The following PGM5 variants were observed in gnomAD, a reference collection of about 807,000 sequenced individuals.
The protein encoded by PGM5 is phosphoglucomutase-like protein 5.
In PGM5, 23 loss-of-function variants were observed where a neutral mutation model predicts 59.2. The observed-to-expected ratio is 0.39, with a 90% confidence interval of 0.28 to 0.55. The LOEUF (loss-of-function observed/expected upper bound fraction) is 0.55. Ranked by LOEUF, PGM5 falls within the 20% of genes least tolerant of loss-of-function variation. PGM5 has a pLI of 0.66. For missense variants in PGM5, 574 were observed against 748.3 expected (o/e 0.77, Z 2.72); for synonymous variants, 214 against 286.0 (o/e 0.75, Z 2.54).
At chr9:68,367,230 G>A (rs1854873) in intron 1 of PGM5, among the ~76,000 whole-genome samples, 58,285 of 150,428 alleles carry the variant, frequency 0.39, 11,773 homozygotes, top group African/African-American at 0.46. Context: ...CCTGTTAAGC[G>A]TGAGCTGAGT....
rs185549183 is a variant in PGM5 at position 68,492,357 on chromosome 9, C to T, written c.1480-6870C>T. On this transcript the variant is annotated intron_variant, in intron 9 of 10. Transcript: ENST00000396396. ...GGATGAGGAATAGCTTTCAAGTCTTCGCCCTCCAGCAGCCCTCTCATCACC... is the reference window on the plus strand; with the variant it reads ...GGATGAGGAATAGCTTTCAAGTCTTTGCCCTCCAGCAGCCCTCTCATCACC... Among the ~76,000 whole-genome samples, 14 of 152,308 alleles carry T rather than the reference C, an allele frequency of 9.2e-5. No individual in the cohort carries two copies. In the East Asian group the frequency reaches 1.2e-3, roughly 13 times the overall value.
At chr9:68,460,914 T>C (rs782783807) in intron 6 of PGM5, among the ~76,000 whole-genome samples, 2 of 152,136 alleles carry the variant, frequency 1.3e-5, no homozygotes, top group African/African-American at 2.4e-5. Flanking sequence ...GCACACAGCA[T>C]ATTCAAGAAC....
intron 6 of PGM5, among the ~76,000 whole-genome samples, chr9:68,431,076 A>G (rs1823338000): frequency 6.6e-6 from 1 of 152,224 alleles, no homozygotes; most frequent in Non-Finnish European, 1.5e-5. Flanking sequence ...ACATTCAAAG[A>G]AACAACCAAA....
chr9:68,434,718 A>G (rs1554683265), intron 6 of PGM5, among the ~76,000 whole-genome samples: 2 of 152,004 alleles, frequency 1.3e-5, no homozygotes, highest in African/African-American at 2.4e-5. Flanking sequence ...AGGCAGAAGA[A>G]TCGCTTGAAC....
chr9:68,504,582 C>T (rs1554688878), intron 10 of PGM5, among the ~76,000 whole-genome samples: 1 of 152,158 alleles, frequency 6.6e-6, no homozygotes. Flanking sequence ...CTGACATCTG[C>T]ATAGCTTGTC....
intron 6 of PGM5, among the ~76,000 whole-genome samples, chr9:68,411,445 G>T (rs1822930029): frequency 7.1e-6 from 1 of 140,500 alleles, no homozygotes; most frequent in African/African-American, 2.6e-5. Flanking sequence ...ACACATATAT[G>T]TAGTGTGTGT....
chr9:68,417,391 A>T (rs1262582288), intron 6 of PGM5, among the ~76,000 whole-genome samples: 1 of 151,694 alleles, frequency 6.6e-6, no homozygotes, highest in African/African-American at 2.4e-5. Flanking sequence ...TGTCAAATCT[A>T]GGAGATCTTG....
intron 1 of PGM5, among the ~76,000 whole-genome samples, chr9:68,377,947 A>T (rs1459251856): frequency 6.6e-6 from 1 of 152,216 alleles, no homozygotes; most frequent in Non-Finnish European, 1.5e-5. Context: ...AAACTACTGA[A>T]GATCAATGAG....
intron 7 of PGM5, among the ~76,000 whole-genome samples, chr9:68,471,874 G>A (rs1021187127): frequency 3.3e-5 from 5 of 151,836 alleles, no homozygotes; most frequent in African/African-American, 7.2e-5. Flanking sequence ...AGCCAAGATC[G>A]TGCTACTGCA....
chr9:68,499,442 C>T, intron 10 of PGM5, 81 bp downstream of exon 10: 1 of 1,374,206 alleles, frequency 7.3e-7, no homozygotes, highest in Non-Finnish European at 1.0e-6. Flanking sequence ...TTTAGTGGGG[C>T]TATTTTACCT....
At chr9:68,382,077 GA>G (rs200255962) in intron 2 of PGM5, among the ~76,000 whole-genome samples, 1 of 151,298 alleles carries the variant, frequency 6.6e-6, no homozygotes, top group African/African-American at 2.4e-5. Flanking sequence ...CAATGTTGAG[GA>G]AAAAAAAGTT....
intron 7 of PGM5, among the ~76,000 whole-genome samples, chr9:68,470,605 C>G (rs1383943288): frequency 6.6e-6 from 1 of 152,222 alleles, no homozygotes; most frequent in Non-Finnish European, 1.5e-5. Context: ...CATTCCCTAT[C>G]TGGATGGTTA....
chr9:68,498,357 C>T (rs1450904319), intron 9 of PGM5: 4 of 152,134 alleles, frequency 2.6e-5, no homozygotes, highest in African/African-American at 9.7e-5. Context: ...CCAGTTTTGT[C>T]TGTTATCTTA....
At chr9:68,409,975 T>G (rs1822898318) in intron 6 of PGM5, among the ~76,000 whole-genome samples, 1 of 152,124 alleles carries the variant, frequency 6.6e-6, no homozygotes, top group Non-Finnish European at 1.5e-5. Flanking sequence ...GGCCTCGCTT[T>G]CCCCATCTAG....
chr9:68,401,453 G>A (rs1822664328), intron 6 of PGM5, among the ~76,000 whole-genome samples: 1 of 152,168 alleles, frequency 6.6e-6, no homozygotes, highest in African/African-American at 2.4e-5. Flanking sequence ...AGGGTGTCCA[G>A]CAGCCTATTT....
At chr9:68,514,383 C>G (rs1234511420) in intron 10 of PGM5, among the ~76,000 whole-genome samples, 6 of 152,114 alleles carry the variant, frequency 3.9e-5, no homozygotes, top group African/African-American at 1.4e-4. Flanking sequence ...GGGTGAATCA[C>G]CTGAGGTCAG....
intron 1 of PGM5, among the ~76,000 whole-genome samples, chr9:68,377,584 C>T (rs3895388): frequency 0.2 from 30,170 of 152,136 alleles, 3,273 homozygotes; most frequent in South Asian, 0.36. Context: ...AATCTGGCTG[C>T]ATCCATGAAT....
At chr9:68,464,908 A>G (rs1353955921) in intron 6 of PGM5, among the ~76,000 whole-genome samples, 185 bp from the exon 7 acceptor site, 2 of 152,188 alleles carry the variant, frequency 1.3e-5, no homozygotes, top group Admixed American at 1.3e-4. Flanking sequence ...ATTGAGAACC[A>G]TTGAAATGGG....
intron 9 of PGM5, chr9:68,496,794 T>C (rs1332497291): frequency 2.0e-5 from 3 of 152,200 alleles, no homozygotes; most frequent in Non-Finnish European, 4.4e-5. Context: ...CAAAAATGAA[T>C]CTGAGAATGT....
Sources: gnomAD v4.1 joint callset for allele counts (sites outside exome capture counted in the v4.1 genomes callset) on GRCh38, gnomAD v4.1.1 for gene constraint, MANE v1.5 for transcripts, NCBI Gene and HGNC (gene_info 2026-07-23, HGNC 2026-07-21) for gene names.